Variants in PHACTR1 observed in about 807,000 individuals in gnomAD.
PHACTR1 encodes phosphatase and actin regulator 1, also known as RPEL repeat containing 1.
In PHACTR1, 16 loss-of-function variants were observed where a neutral mutation model predicts 69.2. The ratio of observed to expected loss-of-function variants is 0.23; its 90% CI spans 0.16 to 0.35. The LOEUF is 0.35. PHACTR1 is among the 10% of genes least tolerant of loss of function. PHACTR1 has a pLI of 1.00. For missense variants in PHACTR1, 510 were observed against 734.7 expected, an observed-to-expected ratio of 0.69 and a Z score of 3.54; for synonymous variants, 312 against 284.5, an observed-to-expected ratio of 1.10 and a Z score of -0.97.
chr6:13,076,278 A>C (rs1810457333), intron 5 of PHACTR1, among the ~76,000 whole-genome samples: 1 of 152,212 alleles, frequency 6.6e-6, no homozygotes, highest in South Asian at 2.1e-4. Context: ...GCATATAAAA[A>C]GTGCTCTGGA....
At chr6:12,747,945 A>G (rs776597145) in intron 3 of PHACTR1, among the ~76,000 whole-genome samples, 30 of 152,206 alleles carry the variant, frequency 2.0e-4, no homozygotes, top group Non-Finnish European at 3.7e-4. Context: ...ATTAGAAATC[A>G]GATTAGGGAG....
intron 4 of PHACTR1, among the ~76,000 whole-genome samples, chr6:12,904,782 G>A (rs138527584): frequency 2.6e-4 from 39 of 152,162 alleles, no homozygotes; most frequent in Middle Eastern, 3.4e-3. Flanking sequence ...TAAAGGGCAC[G>A]GTCTGACTTC....
intron 4 of PHACTR1, among the ~76,000 whole-genome samples, chr6:12,815,450 C>T (rs920924037): frequency 6.6e-6 from 1 of 152,200 alleles, no homozygotes; most frequent in African/African-American, 2.4e-5. Context: ...TGCTACTAAA[C>T]AGCAAAGGTG....
At chr6:13,249,444 G>C (rs1483807611) in intron 10 of PHACTR1, among the ~76,000 whole-genome samples, 2 of 152,144 alleles carry the variant, frequency 1.3e-5, no homozygotes, top group East Asian at 3.9e-4. Context: ...AGCTGGTCTA[G>C]TGTGTTAAAG....
chr6:13,055,953 T>C lies in PHACTR1; in HGVS notation c.415+2424T>C, dbSNP rs142818636. The stretch of plus-strand genomic sequence containing the variant: ...AGTTCTTGTGACCTCTGTGGCCAGA[T>C]TGATTAACGTGGCAGCTGAATGTGA... On this transcript the variant is annotated intron_variant, in intron 5 of 14. Transcript: ENST00000332995. Among the ~76,000 whole-genome samples, 272 of 152,382 alleles carry C rather than the reference T, an allele frequency of 1.8e-3. 1 individual carries two copies. Among genetic ancestry groups the C allele is most frequent in the African/African-American group, 5.5e-3 (229 of 41,600 alleles).
Position 13,249,862 on chromosome 6 carries a change from A to G in PHACTR1, c.1391+19669A>G, listed in dbSNP as rs58192200. On this transcript the variant is annotated intron_variant, in intron 10 of 14. Transcript: ENST00000332995. ...CACCTATTTCATTTTTCATTGGGAA[A>G]CCAAAATAATTTCCGTCTTGTAAGT... 5.3e-3 allele frequency among the ~76,000 whole-genome samples: 806 copies of G among 152,104 alleles called. 13 individuals carry two copies. The highest frequency in any genetic ancestry group is 0.019 in the African/African-American group (772 of 41,470).
intron 4 of PHACTR1, among the ~76,000 whole-genome samples, chr6:12,944,783 ATTTATT>A (rs1790454158): frequency 3.5e-4 from 42 of 119,378 alleles, no homozygotes; most frequent in African/African-American, 1.4e-3. Context: ...ATTTATTTTT[ATTTATT>A]TTTTTTTTTT....
chr6:13,108,032 T>G (rs1415936686), intron 5 of PHACTR1, among the ~76,000 whole-genome samples: 1 of 152,126 alleles, frequency 6.6e-6, no homozygotes, highest in African/African-American at 2.4e-5. Context: ...GATTTTCACT[T>G]AAAGCACTGC....
chr6:12,815,815 T>A (rs982652824), intron 4 of PHACTR1, among the ~76,000 whole-genome samples: 2 of 152,230 alleles, frequency 1.3e-5, no homozygotes, highest in African/African-American at 4.8e-5. Flanking sequence ...AGGTAGTACC[T>A]TTCCACAAGA....
intron 6 of PHACTR1, among the ~76,000 whole-genome samples, chr6:13,174,779 G>A (rs1761097125): frequency 6.6e-6 from 1 of 151,912 alleles, no homozygotes; most frequent in South Asian, 2.1e-4. Flanking sequence ...AGCATCTACT[G>A]AGCTAGGGAC....
intron 5 of PHACTR1, among the ~76,000 whole-genome samples, chr6:13,117,760 T>G (rs1433921090): frequency 6.6e-6 from 1 of 152,218 alleles, no homozygotes; most frequent in Non-Finnish European, 1.5e-5. Context: ...TACATTATGT[T>G]CATCAGTGAG....
At chr6:13,069,752 A>G (rs1354578939) in intron 5 of PHACTR1, among the ~76,000 whole-genome samples, 3 of 152,206 alleles carry the variant, frequency 2.0e-5, no homozygotes, top group Admixed American at 1.3e-4. Context: ...TGCTCTGCTC[A>G]TATTACTATG....
At chr6:13,129,275 A>T (rs1030527463) in intron 5 of PHACTR1, among the ~76,000 whole-genome samples, 2 of 152,208 alleles carry the variant, frequency 1.3e-5, no homozygotes, top group African/African-American at 4.8e-5. Context: ...TTAAGGCACC[A>T]ACTAACATAA....
At chr6:12,725,500 C>T (rs1441759791) in intron 3 of PHACTR1, among the ~76,000 whole-genome samples, 1 of 152,172 alleles carries the variant, frequency 6.6e-6, no homozygotes, top group African/African-American at 2.4e-5. Context: ...CAGCCATTGT[C>T]ATCATCTATG....
intron 5 of PHACTR1, among the ~76,000 whole-genome samples, chr6:13,107,090 C>G (rs1816282628): frequency 6.7e-6 from 1 of 149,540 alleles, no homozygotes; most frequent in East Asian, 1.9e-4. Context: ...GTTTCCTTCT[C>G]TCTCTCTCTC....
In PHACTR1 at chr6:12,998,330, A is replaced by G. The variant is rs114906801; in HGVS notation, c.251-55035A>G. Among the ~76,000 whole-genome samples, 787 of 152,272 alleles carry G rather than the reference A, an allele frequency of 5.2e-3. 4 individuals carry two copies. The highest frequency in any genetic ancestry group is 0.018 in the African/African-American group (766 of 41,558). On this transcript the variant is annotated intron_variant, in intron 4 of 14. Coordinates refer to ENST00000332995, the MANE Select transcript of PHACTR1 (RefSeq NM_030948.6). ...AGAAAAGAATTTATTTAAAAGTCCAAAAATAGGCTAGGCACAGTGGCTCAT... is the reference window on the plus strand; with the variant it reads ...AGAAAAGAATTTATTTAAAAGTCCAGAAATAGGCTAGGCACAGTGGCTCAT...
chr6:12,978,310 C>T (rs1795126617), intron 4 of PHACTR1, among the ~76,000 whole-genome samples: 2 of 152,182 alleles, frequency 1.3e-5, no homozygotes, highest in Non-Finnish European at 2.9e-5. Flanking sequence ...ATCACTAATT[C>T]TTTAGAAAGG....
intron 7 of PHACTR1, among the ~76,000 whole-genome samples, chr6:13,197,233 T>C (rs979000071): frequency 1.3e-5 from 2 of 152,224 alleles, no homozygotes; most frequent in Non-Finnish European, 2.9e-5. Flanking sequence ...GGCCTTCTGC[T>C]GACCTATATG....
chr6:12,965,844 CTGTT>C (rs1350086576), intron 4 of PHACTR1, among the ~76,000 whole-genome samples: 1 of 152,170 alleles, frequency 6.6e-6, no homozygotes, highest in Non-Finnish European at 1.5e-5. Flanking sequence ...TAGTGAGACT[CTGTT>C]AGTTATTTCC....
Sources: gnomAD v4.1 joint callset for allele counts (sites outside exome capture counted in the v4.1 genomes callset) on GRCh38, gnomAD v4.1.1 for gene constraint, MANE v1.5 for transcripts, NCBI Gene and HGNC (gene_info 2026-07-23, HGNC 2026-07-21) for gene names.